Variants in TRIM49 observed in about 807,000 individuals in gnomAD.
TRIM49 encodes the protein tripartite motif containing 49.
A neutral mutation model predicts 27.4 loss-of-function variants in TRIM49; 5 were observed. That is an observed-to-expected ratio of 0.18 (90% confidence interval 0.10 to 0.38). TRIM49 has a LOEUF of 0.38. Ranked by LOEUF, TRIM49 falls within the 10% of genes least tolerant of loss-of-function variation. The pLI, the probability that TRIM49 is intolerant of heterozygous loss-of-function variation, is 1.00. For synonymous variants in TRIM49, 69 were observed against 166.0 expected (o/e 0.42, Z 4.49); for missense variants, 188 against 487.5 (o/e 0.39, Z 5.79).
At chr11:89,807,788 G>A (rs1949799098) in intron 1 of TRIM49, among the ~76,000 whole-genome samples, 1 of 150,094 alleles carries the variant, frequency 6.7e-6, no homozygotes. Flanking sequence ...CTCTGGTCTC[G>A]GCCTTCCAAA....
At chr11:89,766,749 T>C in the TRIM49 span, 3 of 1,487,216 alleles carry the variant, frequency 2.0e-6, 1 homozygote, top group Admixed American at 5.2e-5. Flanking sequence ...TTTCTCTACA[T>C]AGTGAGGAAA....
the TRIM49 span, among the ~76,000 whole-genome samples, chr11:89,774,044 A>T: frequency 6.9e-6 from 1 of 144,506 alleles, no homozygotes; most frequent in Admixed American, 6.7e-5. Context: ...TCTGTCACCC[A>T]GGCTGGAGTG....
the TRIM49 span, among the ~76,000 whole-genome samples, chr11:89,768,558 T>C: frequency 7.4e-6 from 1 of 135,770 alleles, no homozygotes; most frequent in Non-Finnish European, 1.5e-5. Flanking sequence ...AATTGTATTC[T>C]AGCAACTTCT....
chr11:89,804,936 G>C (rs938087781), intron 2 of TRIM49, among the ~76,000 whole-genome samples: 2 of 150,700 alleles, frequency 1.3e-5, no homozygotes, highest in Admixed American at 6.6e-5. Context: ...TTTATAGAGA[G>C]TCACAAAAGC....
rs1406128562 is a variant in TRIM49 at position 89,806,368 on chromosome 11, A to G, written c.-5+731T>C. Among the ~76,000 whole-genome samples the G allele has an allele frequency of 2.0e-5, 3 of 149,454 alleles. No homozygotes were observed. In the East Asian group the frequency reaches 5.9e-4, roughly 29 times the overall value. On this transcript the variant is annotated intron_variant, in intron 2 of 7. Coordinates refer to ENST00000329758, the MANE Select transcript of TRIM49 (RefSeq NM_020358.2). ...GAGAACCCTGACTAATATAAAAACT[A>G]TAATCTTTGTTTTGGCAATTTTAAA...
At chr11:89,800,890 C>T (rs1949730686) in intron 6 of TRIM49, 76 bp downstream of exon 6, 1 of 839,684 alleles carries the variant, frequency 1.2e-6, no homozygotes, top group Non-Finnish European at 1.8e-6. Context: ...TTATTTATGC[C>T]ATGACTTTAA....
In TRIM49 at chr11:89,804,141, AG is replaced by A; in HGVS notation, c.328del (p.Leu110CysfsTer49). The A allele has an allele frequency of 6.2e-7, 1 of 1,605,558 alleles. No homozygotes were observed. Among genetic ancestry groups the A allele is most frequent in the Non-Finnish European group, 8.5e-7 (1 of 1,177,210 alleles). On this transcript the variant is annotated frameshift_variant, in exon 3 of 8. Transcript: ENST00000329758. LOFTEE classifies it high-confidence loss of function. ...AGAGCTGGAGCACAGCAAACAGAGCAGGCTCCTGTCCACTTCACAGAATATC... is the reference window on the plus strand; with the variant it reads ...AGAGCTGGAGCACAGCAAACAGAGCAGCTCCTGTCCACTTCACAGAATATC... ...KKIFCEVDRS[L>X]LCLLCSSSQE... is the part of the protein sequence containing the mutation.
chr11:89,776,718 T>TAA, the TRIM49 span, among the ~76,000 whole-genome samples: 1 of 152,106 alleles, frequency 6.6e-6, no homozygotes, highest in African/African-American at 2.4e-5. Flanking sequence ...CGTTTACTAA[T>TAA]AAGAGACTTG....
At chr11:89,777,743 G>A in the TRIM49 span, among the ~76,000 whole-genome samples, 1 of 147,570 alleles carries the variant, frequency 6.8e-6, no homozygotes, top group African/African-American at 2.6e-5. Flanking sequence ...TCTCTATTAT[G>A]TTTCTATCAC....
rs1949732911 is a variant in TRIM49 at position 89,801,080 on chromosome 11, G to A, written c.739-92C>T. 10 of 1,361,240 alleles carry A rather than the reference G, an allele frequency of 7.3e-6. 1 individual carries two copies. The highest frequency in any genetic ancestry group is 1.0e-5 in the Non-Finnish European group (10 of 1,000,176). 84.3% of individuals were successfully genotyped at this position (1,361,240 alleles called of 1,614,324 possible). A position where few individuals can be genotyped will look rare whatever the true frequency, so the allele number is the denominator to read the frequency against. ...GTGAGATTTGTACTCAGTTTCTGAA[G>A]ATATTATTTCCCTACCATCTTCTCT... is the stretch of plus-strand genomic sequence containing the variant. On this transcript the variant is annotated intron_variant, in intron 5 of 7. Coordinates refer to ENST00000329758, the MANE Select transcript of TRIM49 (RefSeq NM_020358.2).
chr11:89,803,785 A>C lies in TRIM49; in HGVS notation c.420T>G (p.Leu140=), dbSNP rs1949759935. 2 of 1,365,366 alleles carry C rather than the reference A, an allele frequency of 1.5e-6. No homozygotes were observed. The highest frequency in any genetic ancestry group is 4.9e-5 in the East Asian group (2 of 40,450). The allele number at this position is 1,365,366 out of a possible 1,614,324, so 84.6% of individuals were successfully genotyped here. ...EWAAEEHREK[L]LQKMQSLWEK... Reference sequence around the variant, plus strand: ...CCCACAAAGACTGCATTTTCTGTAAAAGCTTCTCCTGCAAAAGAGCCATAA... The same window carrying C: ...CCCACAAAGACTGCATTTTCTGTAACAGCTTCTCCTGCAAAAGAGCCATAA... Residue 140 remains leucine, a synonymous_variant, in exon 4 of 8, where the codon CTT becomes CTG. Transcript: ENST00000329758.
chr11:89,790,244 AAC>A, the TRIM49 span, among the ~76,000 whole-genome samples: 1 of 135,198 alleles, frequency 7.4e-6, no homozygotes, highest in Non-Finnish European at 1.6e-5. Context: ...TGAGTATGTA[AAC>A]AAAGTGGCCT....
chr11:89,777,580 C>G, the TRIM49 span, among the ~76,000 whole-genome samples: 5 of 145,548 alleles, frequency 3.4e-5, no homozygotes, highest in Non-Finnish European at 7.5e-5. Context: ...GTTGAGACTT[C>G]GCTAAAGGAG....
chr11:89,800,313 A>G (rs1949724355), intron 6 of TRIM49, among the ~76,000 whole-genome samples: 1 of 151,648 alleles, frequency 6.6e-6, no homozygotes, highest in Admixed American at 6.5e-5. Flanking sequence ...ATATGTATAT[A>G]TGTATAAAAA....
chr11:89,793,534 C>T (rs563407923), downstream of TRIM49, among the ~76,000 whole-genome samples: 1,481 of 151,954 alleles, frequency 9.7e-3, no homozygotes, highest in African/African-American at 0.034. Flanking sequence ...GCTTATCCGC[C>T]AAGAGCAAGT....
chr11:89,798,716 C>G, intron 7 of TRIM49, 87 bp from the exon 8 acceptor site: 2 of 1,370,626 alleles, frequency 1.5e-6, no homozygotes, highest in South Asian at 1.6e-5. Flanking sequence ...ACTTTACCAG[C>G]AAATGTAAAG....
At chr11:89,773,652 C>T in the TRIM49 span, among the ~76,000 whole-genome samples, 84 of 136,968 alleles carry the variant, frequency 6.1e-4, 8 homozygotes, top group African/African-American at 2.7e-3. Flanking sequence ...TTAAAGTTAG[C>T]ATGTGGCCCG....
At chr11:89,797,129 G>A (rs539875413), downstream of TRIM49, among the ~76,000 whole-genome samples, 1 of 151,782 alleles carries the variant, frequency 6.6e-6, no homozygotes, top group East Asian at 1.9e-4. Context: ...TAAGACTAAT[G>A]AAAGTGAGCA....
chr11:89,793,583 G>A (rs201088096), downstream of TRIM49, among the ~76,000 whole-genome samples: 991 of 150,766 alleles, frequency 6.6e-3, no homozygotes, highest in Non-Finnish European at 9.0e-3. Context: ...TTCAACATAC[G>A]CAAATCAATA....
Sources: allele counts gnomAD v4.1 joint callset (sites outside exome capture counted in the v4.1 genomes callset), GRCh38; gene constraint gnomAD v4.1.1; transcripts MANE v1.5; gene names NCBI Gene and HGNC (gene_info 2026-07-23, HGNC 2026-07-21).